Variants in TTLL9 observed in about 807,000 individuals in gnomAD.
TTLL9 encodes probable tubulin polyglutamylase TTLL9.
TTLL9 carries 47 observed loss-of-function variants against 65.6 expected under a neutral mutation model. That is an observed-to-expected ratio of 0.72 (90% CI 0.57 to 0.91). TTLL9 has a LOEUF of 0.91. Among genes scored for constraint, TTLL9 ranks in the 40% least tolerant of loss-of-function variants. TTLL9 has a pLI of 0.00. For synonymous variants in TTLL9, 179 were observed against 204.8 expected, an observed-to-expected ratio of 0.87 and a Z score of 1.07; for missense variants, 537 against 568.8, an observed-to-expected ratio of 0.94 and a Z score of 0.57.
At position 31,924,065 on chromosome 20, in the gene TTLL9, C is replaced by T. The variant is rs1420348709; in HGVS notation, c.665-944C>T. Among the ~76,000 whole-genome samples the T allele has an allele frequency of 2.6e-5, 4 of 152,250 alleles. No homozygotes were observed. The East Asian group carries it at 7.7e-4, about 29-fold the overall frequency. The stretch of plus-strand genomic sequence containing the variant: ...GGGGACACAGCTAGAAGCCAGGAGC[C>T]ATTCTGGGTGTGTCCCCCTTCCCCT... On this transcript the variant is annotated intron_variant, in intron 8 of 14. Transcript: ENST00000535842.
chr20:31,883,228 CT>C (rs2063143441), intron 2 of TTLL9, among the ~76,000 whole-genome samples: 1 of 147,768 alleles, frequency 6.8e-6, no homozygotes, highest in Non-Finnish European at 1.5e-5. Context: ...GAAACAGAGT[CT>C]TGCCATCACC....
Position 31,871,168 on chromosome 20 carries a change from T to C in TTLL9, c.42T>C (p.Thr14=), listed in dbSNP as rs986150357. 4 of 1,614,078 alleles carry C rather than the reference T, an allele frequency of 2.5e-6. No homozygotes were observed. Among genetic ancestry groups the C allele is most frequent in the Middle Eastern group, 1.6e-4 (1 of 6,062 alleles). ...AAGCTCTGCTGGGACCAGGCACAAC[T>C]GCCATTAGGTGCCCCAAGAAATTAC... ...SREALLGPGT[T]AIRCPKKLQN... is the part of the protein sequence containing the mutation. Residue 14 remains threonine, a synonymous_variant, in exon 2 of 15, where the codon ACT becomes ACC. Coordinates refer to ENST00000535842, the MANE Select transcript of TTLL9 (RefSeq NM_001008409.5).
intron 3 of TTLL9, among the ~76,000 whole-genome samples, chr20:31,887,850 C>T (rs1210593269): frequency 2.8e-5 from 1 of 35,458 alleles, no homozygotes; most frequent in Admixed American, 2.7e-4. Context: ...TTAGATATCT[C>T]CTCTCCTCTT....
chr20:31,870,723 C>T lies in TTLL9; in HGVS notation c.-232C>T. On this transcript the variant is annotated 5_prime_UTR_variant, in exon 1 of 15. Transcript: ENST00000535842. This position sits in a 1 kb window ranked among gnomAD's most constrained non-coding sequence, Gnocchi z 6.6. ...TCCGGAGGTGGGGGCGGGGGCCTTA[C>T]CCCACCCTGGCACCGGCAGGCGCGG... 1 of 645,736 alleles carries T rather than the reference C, an allele frequency of 1.5e-6. No homozygotes were observed. The allele number at this position is 645,736 out of a possible 1,614,324, so 40.0% of individuals were successfully genotyped here.
chr20:31,910,000 C>A, intron 6 of TTLL9, 78 bp downstream of exon 6: 2 of 1,420,126 alleles, frequency 1.4e-6, no homozygotes, highest in Non-Finnish European at 1.9e-6. Flanking sequence ...GCAGACACTG[C>A]CTGGGAATTC....
intron 3 of TTLL9, among the ~76,000 whole-genome samples, chr20:31,892,580 T>C (rs2063322725): frequency 6.6e-6 from 1 of 152,212 alleles, no homozygotes; most frequent in African/African-American, 2.4e-5. Flanking sequence ...TTAGAAAACA[T>C]TTGACTTTCC....
Position 31,870,748 on chromosome 20 carries a change from G to A in TTLL9, c.-207G>A. On this transcript the variant is annotated 5_prime_UTR_variant, in exon 1 of 15. Transcript: ENST00000535842. The surrounding 1 kb of genome is among the most constrained non-coding windows in gnomAD (Gnocchi z 6.6). The stretch of plus-strand genomic sequence containing the variant: ...CCCCACCCTGGCACCGGCAGGCGCG[G>A]GCGGATGGGGGGATGTCGCCTAGAG... 2 of 505,874 alleles carry A rather than the reference G, an allele frequency of 4.0e-6. No homozygotes were observed. The highest frequency in any genetic ancestry group is 6.4e-6 in the Non-Finnish European group (2 of 311,562). The allele number at this position is 505,874 out of a possible 1,614,324, so 31.3% of individuals were successfully genotyped here. A position where few individuals can be genotyped will look rare whatever the true frequency, so the allele number is the denominator to read the frequency against.
chr20:31,940,026 TA>T (rs2064178520), intron 14 of TTLL9: 1 of 152,144 alleles, frequency 6.6e-6, no homozygotes, highest in African/African-American at 2.4e-5. Context: ...AATTGCATTT[TA>T]TTTTTTTTTT....
At chr20:31,879,708 A>G in intron 2 of TTLL9, 5 of 1,079,344 alleles carry the variant, frequency 4.6e-6, no homozygotes, top group Non-Finnish European at 6.5e-6. Context: ...AGGACGCCCA[A>G]TAGCCTCCAG....
chr20:31,889,972 CTCTTTCTTTCTTTCTTTCTTTCTTTCTT>C (rs758616240), intron 3 of TTLL9, among the ~76,000 whole-genome samples: 32 of 113,966 alleles, frequency 2.8e-4, no homozygotes, highest in African/African-American at 8.0e-4. Context: ...CCACATCTCT[CTCTTTCTTTCTTTCTTTCTTTCTTTCTT>C]TCTTTCTTTC....
chr20:31,920,157 T>C (rs1002154374), intron 7 of TTLL9, among the ~76,000 whole-genome samples: 11 of 152,156 alleles, frequency 7.2e-5, no homozygotes, highest in Non-Finnish European at 8.8e-5. Flanking sequence ...TTACTTCACC[T>C]GTCAGTGCCC....
At chr20:31,907,837 C>G (rs1182299951) in intron 4 of TTLL9, among the ~76,000 whole-genome samples, 1 of 152,110 alleles carries the variant, frequency 6.6e-6, no homozygotes, top group Non-Finnish European at 1.5e-5. Context: ...AGACAGGGGG[C>G]TTCAGTTGTA....
At chr20:31,883,222 CAG>C (rs1328117954) in intron 2 of TTLL9, among the ~76,000 whole-genome samples, 3 of 139,822 alleles carry the variant, frequency 2.1e-5, no homozygotes, top group Non-Finnish European at 4.6e-5. Context: ...TTTTTTGAAA[CAG>C]AGTCTTGCCA....
intron 3 of TTLL9, among the ~76,000 whole-genome samples, chr20:31,889,755 T>A (rs549433053): frequency 1.5e-4 from 22 of 151,420 alleles, no homozygotes; most frequent in African/African-American, 5.3e-4. Context: ...TTTTTTGTAG[T>A]TATGAGGTCT....
intron 7 of TTLL9, among the ~76,000 whole-genome samples, chr20:31,921,361 T>C (rs904406543): frequency 1.1e-4 from 17 of 152,188 alleles, no homozygotes; most frequent in Admixed American, 7.2e-4. Flanking sequence ...AGGAACACTT[T>C]TACACTGTTG....
intron 4 of TTLL9, among the ~76,000 whole-genome samples, chr20:31,900,504 G>C (rs1386278415): frequency 6.6e-6 from 1 of 152,156 alleles, no homozygotes; most frequent in Non-Finnish European, 1.5e-5. Context: ...GCTTGGGAAG[G>C]CTTTACTAAA....
intron 4 of TTLL9, among the ~76,000 whole-genome samples, chr20:31,902,724 T>C (rs938838540): frequency 1.3e-5 from 2 of 152,202 alleles, no homozygotes; most frequent in African/African-American, 4.8e-5. Flanking sequence ...GACTGGGTGA[T>C]ATGATAACTC....
chr20:31,889,925 G>C (rs2063260726), intron 3 of TTLL9, among the ~76,000 whole-genome samples: 1 of 151,886 alleles, frequency 6.6e-6, no homozygotes, highest in Non-Finnish European at 1.5e-5. Context: ...TTCATGTCAT[G>C]ATCAGGACAG....
intron 3 of TTLL9, among the ~76,000 whole-genome samples, chr20:31,889,427 A>T (rs1378987924): frequency 1.4e-5 from 2 of 138,304 alleles, no homozygotes; most frequent in African/African-American, 5.4e-5. Flanking sequence ...CACCTGGCTA[A>T]TTTTTTTTTT....
Sources: allele counts gnomAD v4.1 joint callset (sites outside exome capture counted in the v4.1 genomes callset), GRCh38; gene constraint gnomAD v4.1.1; non-coding constraint Gnocchi (gnomAD v3.1); transcripts MANE v1.5; gene names NCBI Gene and HGNC (gene_info 2026-07-23, HGNC 2026-07-21).